The following FRMD5 variants were observed in gnomAD, a reference collection of about 807,000 sequenced individuals.
The protein encoded by FRMD5 is FERM domain-containing protein 5.
Under a neutral mutation model 69.0 loss-of-function variants are expected in FRMD5, and 20 were observed. That is an observed-to-expected ratio of 0.29 (90% CI 0.20 to 0.42). The LOEUF (loss-of-function observed/expected upper bound fraction) is 0.42. FRMD5 is among the 10% of genes least tolerant of loss of function. FRMD5 has a pLI of 1.00. For synonymous variants in FRMD5, 271 were observed against 260.1 expected (o/e 1.04, Z -0.40); for missense variants, 595 against 708.6 (o/e 0.84, Z 1.82).
At chr15:44,088,444 G>A (rs1319835225) in intron 1 of FRMD5, among the ~76,000 whole-genome samples, 2 of 152,078 alleles carry the variant, frequency 1.3e-5, no homozygotes, top group Non-Finnish European at 2.9e-5. Flanking sequence ...ACCACTCCAC[G>A]ATAATTATAT....
At chr15:44,164,478 C>T (rs931540175) in intron 1 of FRMD5, among the ~76,000 whole-genome samples, 4 of 151,908 alleles carry the variant, frequency 2.6e-5, no homozygotes, top group African/African-American at 9.7e-5. Flanking sequence ...ATAAATAGCA[C>T]CATACAATAA....
chr15:44,187,246 CATA>C (rs551110133), intron 1 of FRMD5, among the ~76,000 whole-genome samples: 351 of 152,316 alleles, frequency 2.3e-3, no homozygotes, highest in Non-Finnish European at 4.0e-3. Flanking sequence ...CTTTTCTTGA[CATA>C]ATGCCATTGC....
chr15:44,106,126 T>C (rs1415516564), intron 1 of FRMD5, among the ~76,000 whole-genome samples: 3 of 152,210 alleles, frequency 2.0e-5, no homozygotes, highest in Non-Finnish European at 4.4e-5. Flanking sequence ...TACGATGTTT[T>C]AAAAAGTACG....
At chr15:44,179,887 A>G (rs1302626672) in intron 1 of FRMD5, among the ~76,000 whole-genome samples, 1 of 152,008 alleles carries the variant, frequency 6.6e-6, no homozygotes, top group Admixed American at 6.6e-5. Context: ...AAGTAAAACA[A>G]CTGTAGCTAG....
intron 1 of FRMD5, among the ~76,000 whole-genome samples, chr15:44,119,413 ATAACT>A (rs1425805022): frequency 1.3e-5 from 2 of 152,212 alleles, no homozygotes; most frequent in African/African-American, 4.8e-5. Context: ...ACTACCCACC[ATAACT>A]TAACTGGTTC....
chr15:44,018,755 C>T (rs1405944332), intron 1 of FRMD5, among the ~76,000 whole-genome samples: 2 of 152,118 alleles, frequency 1.3e-5, no homozygotes, highest in Admixed American at 6.5e-5. Flanking sequence ...CCTGTAAATC[C>T]CAAGCCAGCA....
intron 1 of FRMD5, among the ~76,000 whole-genome samples, chr15:44,151,877 A>G (rs566539369): frequency 3.3e-5 from 5 of 152,262 alleles, no homozygotes; most frequent in East Asian, 1.9e-4. Context: ...TATATAGTAA[A>G]CTCCTAAAAC....
intron 7 of FRMD5, among the ~76,000 whole-genome samples, chr15:43,900,136 G>C (rs769834254): frequency 3.9e-5 from 6 of 152,120 alleles, no homozygotes; most frequent in Non-Finnish European, 5.9e-5. Context: ...GCAGTTCAGG[G>C]AGCAGTTATT....
At chr15:44,069,140 C>T (rs1404338234) in intron 1 of FRMD5, among the ~76,000 whole-genome samples, 1 of 152,090 alleles carries the variant, frequency 6.6e-6, no homozygotes, top group Non-Finnish European at 1.5e-5. Flanking sequence ...CACTACACAC[C>T]TATCAGGATG....
chr15:43,907,141 C>A (rs2089194590), intron 5 of FRMD5, among the ~76,000 whole-genome samples: 1 of 152,200 alleles, frequency 6.6e-6, no homozygotes. Context: ...GCCAGCTACT[C>A]TGTGGGTGCC....
At chr15:44,163,339 AG>A (rs1277758537) in intron 1 of FRMD5, among the ~76,000 whole-genome samples, 1 of 152,242 alleles carries the variant, frequency 6.6e-6, no homozygotes, top group Non-Finnish European at 1.5e-5. Flanking sequence ...GAACTCTTCA[AG>A]GGCAGAGAAT....
intron 1 of FRMD5, among the ~76,000 whole-genome samples, chr15:44,080,406 CT>C (rs1445668002): frequency 6.6e-6 from 1 of 152,024 alleles, no homozygotes; most frequent in Non-Finnish European, 1.5e-5. Context: ...TAAATGATAG[CT>C]TTGAGAAAAC....
At chr15:44,000,706 C>A (rs908903815) in intron 1 of FRMD5, among the ~76,000 whole-genome samples, 16 of 152,198 alleles carry the variant, frequency 1.1e-4, no homozygotes, top group African/African-American at 3.9e-4. Context: ...GTGATCCACC[C>A]ACCTTGGCCT....
chr15:44,107,979 G>A (rs1234619754), intron 1 of FRMD5, among the ~76,000 whole-genome samples: 2 of 152,248 alleles, frequency 1.3e-5, no homozygotes, highest in Admixed American at 6.5e-5. Flanking sequence ...ATTTTGTTAA[G>A]TAGTCATGTG....
intron 5 of FRMD5, among the ~76,000 whole-genome samples, chr15:43,906,522 T>A (rs2089175204): frequency 1.3e-5 from 2 of 152,168 alleles, no homozygotes; most frequent in African/African-American, 4.8e-5. Context: ...AGGTGCCAGG[T>A]TCCTTCGAGA....
intron 1 of FRMD5, among the ~76,000 whole-genome samples, chr15:43,980,641 T>A (rs1254204047): frequency 6.6e-6 from 1 of 152,172 alleles, no homozygotes; most frequent in Admixed American, 6.5e-5. Flanking sequence ...TGAAACTGAG[T>A]ATCACTGAAA....
intron 1 of FRMD5, among the ~76,000 whole-genome samples, chr15:44,039,228 G>A (rs1239770258): frequency 6.6e-6 from 1 of 152,194 alleles, no homozygotes; most frequent in Non-Finnish European, 1.5e-5. Context: ...CGGGGGAAGG[G>A]GCAGCTGCAA....
In FRMD5 at chr15:43,875,804, G is replaced by GTTTTTTTTTTTTTTTTTT. The variant is rs34063043; in HGVS notation, c.1136-1360_1136-1343dup. 13 of 210,660 alleles carry GTTTTTTTTTTTTTTTTTT rather than the reference G, an allele frequency of 6.2e-5. 1 individual carries two copies. The highest frequency in any genetic ancestry group is 3.8e-4 in the African/African-American group (8 of 20,938). The allele number at this position is 210,660 out of a possible 1,614,324, so 13.0% of individuals were successfully genotyped here. A position where few individuals can be genotyped will look rare whatever the true frequency, so the allele number is the denominator to read the frequency against. ...TCTTGCCTTTGGTGTCCTGGGCCTA[G>GTTTTTTTTTTTTTTTTTT]TTTTTTTTTTTTTTTTTTTTTTTCT... On this transcript the variant is annotated intron_variant, in intron 13 of 13. Transcript: ENST00000417257.
intron 1 of FRMD5, among the ~76,000 whole-genome samples, chr15:43,950,844 C>A (rs1027950409): frequency 2.6e-5 from 4 of 152,184 alleles, no homozygotes; most frequent in Non-Finnish European, 5.9e-5. Context: ...GCTTCCCCTG[C>A]CATCATTTTG....
Sources: gnomAD v4.1 joint callset for allele counts (sites outside exome capture counted in the v4.1 genomes callset) on GRCh38, gnomAD v4.1.1 for gene constraint, MANE v1.5 for transcripts, NCBI Gene and HGNC (gene_info 2026-07-23, HGNC 2026-07-21) for gene names.